RAP2A: variants seen among roughly 807,000 people sequenced by gnomAD.
RAP2A encodes ras-related protein Rap-2a.
A neutral mutation model predicts 15.1 loss-of-function variants in RAP2A; 5 were observed. That is an observed-to-expected ratio of 0.33 (90% CI 0.17 to 0.70). The LOEUF (loss-of-function observed/expected upper bound fraction) is 0.70. RAP2A is among the 30% of genes least tolerant of loss of function. The pLI is 0.68. For missense variants in RAP2A, 111 were observed against 240.3 expected, an observed-to-expected ratio of 0.46 and a Z score of 3.56; for synonymous variants, 110 against 99.7, an observed-to-expected ratio of 1.10 and a Z score of -0.62.
chr13:97,439,632 T>C (rs765069941), intron 1 of RAP2A, among the ~76,000 whole-genome samples: 1 of 152,148 alleles, frequency 6.6e-6, no homozygotes, highest in Non-Finnish European at 1.5e-5. Context: ...GGTCAGGTTA[T>C]GTATGAATAT....
At chr13:97,450,051 G>T (rs1395404058) in intron 1 of RAP2A, among the ~76,000 whole-genome samples, 4 of 151,774 alleles carry the variant, frequency 2.6e-5, no homozygotes, top group Non-Finnish European at 5.9e-5. Context: ...TACAACAATA[G>T]AAAAATCTTG....
In RAP2A at chr13:97,462,982, C is replaced by T. The variant is rs2066754320; in HGVS notation, c.315-1223C>T. Among the ~76,000 whole-genome samples the T allele has an allele frequency of 2.0e-5, 3 of 146,780 alleles. No homozygotes were observed. In the Admixed American group the frequency reaches 2.1e-4, roughly 10 times the overall value. On this transcript the variant is annotated intron_variant, in intron 1 of 1. Transcript: ENST00000245304. ...TTGTCTATGCATCCTGCCTCAAAGG[C>T]TTGACCATGGGGTGGTTTTCTCTTC...
Position 97,464,333 on chromosome 13 carries a change from A to C in RAP2A, c.443A>C (p.Lys148Thr), listed in dbSNP as rs2066760680. 1 of 1,614,118 alleles carries C rather than the reference A, an allele frequency of 6.2e-7. No homozygotes were observed. The highest frequency in any genetic ancestry group is 1.3e-5 in the African/African-American group (1 of 74,930). The change falls in exon 2 of 2, where the codon AAG (lysine) becomes ACG (threonine). Residue 148 changes from lysine to threonine, a missense_variant. Coordinates refer to ENST00000245304, the MANE Select transcript of RAP2A (RefSeq NM_021033.7). ...TGCCCCTTTATGGAAACTTCCGCTAAGAGTAAAACAATGGTGGACGAACTC... is the reference window on the plus strand; with the variant it reads ...TGCCCCTTTATGGAAACTTCCGCTACGAGTAAAACAATGGTGGACGAACTC... ...WGCPFMETSA[K>T]SKTMVDELFA...
In RAP2A at chr13:97,434,407, C is replaced by T. The variant is rs1482772934; in HGVS notation, c.-64C>T. ...GGGCCGCCGGGGCCGGGGCTGGGGGCGCAGCGCGGCCGGCGTAGGTCTATG... is the reference window on the plus strand; with the variant it reads ...GGGCCGCCGGGGCCGGGGCTGGGGGTGCAGCGCGGCCGGCGTAGGTCTATG... On this transcript the variant is annotated 5_prime_UTR_variant, in exon 1 of 2. Coordinates refer to ENST00000245304, the MANE Select transcript of RAP2A (RefSeq NM_021033.7). 2.5e-6 allele frequency: 3 copies of T among 1,190,968 alleles called. No individual in the cohort carries two copies. Among genetic ancestry groups the T allele is most frequent in the East Asian group, 3.7e-5 (1 of 26,812 alleles). 73.8% of individuals were successfully genotyped at this position (1,190,968 alleles called of 1,614,324 possible).
intron 1 of RAP2A, chr13:97,436,126 G>A (rs946272629): frequency 5.9e-5 from 9 of 152,122 alleles, no homozygotes; most frequent in African/African-American, 2.2e-4. Context: ...ATTCATCCTT[G>A]TGTTAAATTC....
chr13:97,464,178 A>G (rs756393996), intron 1 of RAP2A, 27 bp from the exon 2 acceptor site: 3 of 1,607,514 alleles, frequency 1.9e-6, no homozygotes, highest in Non-Finnish European at 2.6e-6. Flanking sequence ...GTTACAATGT[A>G]TGTGTGTTTT....
rs1000774932 is a variant in RAP2A, at chr13:97,467,157, T to G, written c.*2715T>G. The G allele has an allele frequency of 5.9e-5, 9 of 152,640 alleles. No homozygotes were observed. Among genetic ancestry groups the G allele is most frequent in the Admixed American group, 1.3e-4 (2 of 15,290 alleles). The allele number at this position is 152,640 out of a possible 1,614,324, so 9.5% of individuals were successfully genotyped here. A position where few individuals can be genotyped will look rare whatever the true frequency, so the allele number is the denominator to read the frequency against. On this transcript the variant is annotated 3_prime_UTR_variant, in exon 2 of 2. Transcript: ENST00000245304. ...TGTGATAAGATTTTCTTTTTTTTAC[T>G]TTTATACAAAGGCAGCATCTTTGAA...
At chr13:97,442,351 A>C (rs1363500507) in intron 1 of RAP2A, among the ~76,000 whole-genome samples, 1 of 152,100 alleles carries the variant, frequency 6.6e-6, no homozygotes, top group Non-Finnish European at 1.5e-5. Context: ...AAACATACCA[A>C]AATTTATATT....
intron 1 of RAP2A, among the ~76,000 whole-genome samples, chr13:97,450,710 T>C (rs1281611616): frequency 6.6e-6 from 1 of 152,104 alleles, no homozygotes; most frequent in African/African-American, 2.4e-5. Context: ...TTACATTTGG[T>C]TTCTAAATGA....
intron 1 of RAP2A, among the ~76,000 whole-genome samples, chr13:97,461,990 T>TATATATATATATATA (rs1566475726): frequency 3.5e-5 from 5 of 141,772 alleles, no homozygotes; most frequent in African/African-American, 1.1e-4. Context: ...ATATATATAT[T>TATATATATATATATA]TATATATTTA....
At chr13:97,441,847 C>A in intron 1 of RAP2A, 1 of 421,270 alleles carries the variant, frequency 2.4e-6, no homozygotes, top group South Asian at 1.7e-5. Context: ...GACTTTCAAA[C>A]AAGGTAAAAC....
At chr13:97,437,017 T>A (rs2066637051) in intron 1 of RAP2A, among the ~76,000 whole-genome samples, 2 of 152,198 alleles carry the variant, frequency 1.3e-5, no homozygotes, top group South Asian at 2.1e-4. Context: ...ATATCTACTG[T>A]CAAATTCAGT....
At chr13:97,456,751 G>C (rs1246572838) in intron 1 of RAP2A, among the ~76,000 whole-genome samples, 1 of 152,088 alleles carries the variant, frequency 6.6e-6, no homozygotes, top group Non-Finnish European at 1.5e-5. Flanking sequence ...ATTTCTCTCT[G>C]TTCATCTTCA....
At chr13:97,451,300 G>C (rs2066701530) in intron 1 of RAP2A, among the ~76,000 whole-genome samples, 1 of 152,056 alleles carries the variant, frequency 6.6e-6, no homozygotes, top group Admixed American at 6.6e-5. Context: ...TAGGTTTACA[G>C]CTGGGATGTG....
intron 1 of RAP2A, among the ~76,000 whole-genome samples, chr13:97,447,353 C>T (rs1236708209): frequency 5.9e-5 from 9 of 152,180 alleles, no homozygotes; most frequent in Non-Finnish European, 1.2e-4. Flanking sequence ...TTCACTCTAC[C>T]CACAGGGTGT....
chr13:97,467,945 T>C lies in RAP2A; in HGVS notation c.*3503T>C, dbSNP rs1190686941. On this transcript the variant is annotated 3_prime_UTR_variant, in exon 2 of 2. Transcript: ENST00000245304. ...TATAACTCAATGCAAATTCAACAGT[T>C]GTATTTGGAGTTAAATTATTTTAAC... 6.6e-6 allele frequency: 1 copy of C among 152,614 alleles called. No homozygotes were observed. The highest frequency in any genetic ancestry group is 1.9e-4 in the East Asian group (1 of 5,204). The allele number at this position is 152,614 out of a possible 1,614,324, so 9.5% of individuals were successfully genotyped here.
At chr13:97,461,873 G>C (rs970038715) in intron 1 of RAP2A, among the ~76,000 whole-genome samples, 2 of 151,136 alleles carry the variant, frequency 1.3e-5, no homozygotes, top group Non-Finnish European at 2.9e-5. Context: ...TGAGGCAAGA[G>C]AATGGCGTGA....
rs1193603287 is a variant in RAP2A at position 97,434,613 on chromosome 13, C to T, written c.143C>T (p.Ser48Leu). 8.7e-6 allele frequency: 14 copies of T among 1,614,160 alleles called. No homozygotes were observed. The highest frequency in any genetic ancestry group is 1.7e-5 in the Admixed American group (1 of 60,020). ...TACCGCAAGGAGATCGAGGTGGATT[C>T]GTCGCCGTCGGTGCTGGAGATCCTG... is the stretch of plus-strand genomic sequence containing the variant. ...DFYRKEIEVDSSPSVLEILDT... is the reference protein window; with the variant it reads ...DFYRKEIEVDLSPSVLEILDT... The change falls in exon 1 of 2, where the codon TCG (serine) becomes TTG (leucine). Residue 48 changes from serine (S) to leucine (L), a missense_variant. Physicochemically the swap from Ser to Leu is moderately radical, Grantham distance 145. Transcript: ENST00000245304.
chr13:97,449,389 T>A (rs538766719), intron 1 of RAP2A, among the ~76,000 whole-genome samples: 48 of 152,262 alleles, frequency 3.2e-4, no homozygotes, highest in African/African-American at 1.1e-3. Context: ...TGAAAGCGTT[T>A]TTGTAGTGGG....
Sources: gnomAD v4.1 joint callset for allele counts (sites outside exome capture counted in the v4.1 genomes callset) on GRCh38, gnomAD v4.1.1 for gene constraint, MANE v1.5 for transcripts, NCBI Gene and HGNC (gene_info 2026-07-23, HGNC 2026-07-21) for gene names.